STIL: variants seen among roughly 807,000 people sequenced by gnomAD.
STIL encodes SCL-interrupting locus protein.
Under a neutral mutation model 110.1 loss-of-function variants are expected in STIL, and 55 were observed. That is an observed-to-expected ratio of 0.50 (90% CI 0.40 to 0.63). STIL has a LOEUF of 0.63. Among genes scored for constraint, STIL ranks in the 20% least tolerant of loss-of-function variants. STIL has a pLI of 0.00. For synonymous variants in STIL, 481 were observed against 530.0 expected (o/e 0.91, Z 1.27); for missense variants, 1,358 against 1,530.0 (o/e 0.89, Z 1.87).
intron 15 of STIL, among the ~76,000 whole-genome samples, 163 bp downstream of exon 15, chr1:47,262,740 A>T (rs908141309): frequency 2.0e-5 from 3 of 152,208 alleles, no homozygotes; most frequent in Non-Finnish European, 4.4e-5. Flanking sequence ...AGTGAATTTA[A>T]GTTATAATTT....
Position 47,260,518 on chromosome 1 carries a change from TTAA to T in STIL, c.2848_2850del (p.Leu950del). On this transcript the variant is annotated inframe_deletion, in exon 16 of 17. Coordinates refer to ENST00000371877, the MANE Select transcript of STIL (RefSeq NM_001048166.1). ...TGCTCAGTTTCCTTGGAGGAACTAT[TTAA>T]TAGGTGGTTTACTTGACCCTGACAA... The T allele has an allele frequency of 6.2e-7, 1 of 1,614,206 alleles. No homozygotes were observed. Among genetic ancestry groups the T allele is most frequent in the Non-Finnish European group, 8.5e-7 (1 of 1,180,050 alleles).
chr1:47,252,995 A>G (rs1644230456), intron 16 of STIL, among the ~76,000 whole-genome samples: 1 of 151,824 alleles, frequency 6.6e-6, no homozygotes, highest in Middle Eastern at 3.4e-3. Context: ...ACTGCATGTC[A>G]TTTGCTAATG....
intron 6 of STIL, among the ~76,000 whole-genome samples, chr1:47,298,359 G>A (rs749848080): frequency 6.6e-6 from 1 of 152,174 alleles, no homozygotes; most frequent in African/African-American, 2.4e-5. Flanking sequence ...CAGGGAAGCA[G>A]CCTTGCTGAA....
chr1:47,257,631 G>C (rs559146738), intron 16 of STIL, among the ~76,000 whole-genome samples: 14 of 152,278 alleles, frequency 9.2e-5, no homozygotes, highest in Admixed American at 2.6e-4. Flanking sequence ...TTTTGATGTA[G>C]ATCAATTACA....
At chr1:47,296,853 G>A (rs1178033449) in intron 6 of STIL, among the ~76,000 whole-genome samples, 2 of 152,150 alleles carry the variant, frequency 1.3e-5, no homozygotes, top group South Asian at 2.1e-4. Flanking sequence ...GTGATATAAA[G>A]CCTTGGCAGT....
At chr1:47,288,481 G>C (rs960713137) in intron 9 of STIL, among the ~76,000 whole-genome samples, 2 of 151,898 alleles carry the variant, frequency 1.3e-5, no homozygotes, top group African/African-American at 4.8e-5. Context: ...ATTTTTAGTA[G>C]AGACAGAGTT....
intron 14 of STIL, among the ~76,000 whole-genome samples, chr1:47,267,594 A>G (rs556062772): frequency 1.5e-3 from 227 of 149,162 alleles, no homozygotes; most frequent in African/African-American, 5.4e-3. Context: ...AGTCCCAGCT[A>G]CTTGGGAGGC....
chr1:47,284,023 G>C (rs958972643), intron 10 of STIL: 4 of 152,076 alleles, frequency 2.6e-5, no homozygotes, highest in African/African-American at 7.2e-5. Context: ...CTCAGCGTCC[G>C]AGGAGCTCAG....
intron 9 of STIL, among the ~76,000 whole-genome samples, chr1:47,288,319 A>G (rs920166160): frequency 6.6e-6 from 1 of 150,624 alleles, no homozygotes; most frequent in Non-Finnish European, 1.5e-5. Flanking sequence ...TTTTTGAGAC[A>G]GAGTTTCCTT....
chr1:47,313,129 G>C (rs1646184278), intron 1 of STIL: 2 of 152,128 alleles, frequency 1.3e-5, no homozygotes, highest in Non-Finnish European at 1.5e-5. Flanking sequence ...TTCCAGACCA[G>C]CCCGACCAAC....
In STIL at chr1:47,252,014, T is replaced by C. The variant is rs1258909977; in HGVS notation, c.3081-92A>G. On this transcript the variant is annotated intron_variant, in intron 16 of 16. Coordinates refer to ENST00000371877, the MANE Select transcript of STIL (RefSeq NM_001048166.1). ...TCCATTCTATACAAGCAACAAAAGA[T>C]CTTCAGCTTTAAGTTCATGGTCCTT... is the stretch of plus-strand genomic sequence containing the variant. 9 of 1,332,116 alleles carry C rather than the reference T, an allele frequency of 6.8e-6. No individual in the cohort carries two copies. In the Admixed American group the frequency reaches 2.0e-4, roughly 29 times the overall value. 82.5% of individuals were successfully genotyped at this position (1,332,116 alleles called of 1,614,324 possible).
Position 47,280,786 on chromosome 1 carries a change from G to A in STIL, c.1672C>T (p.Leu558Phe), listed in dbSNP as rs1004441582. The change falls in exon 12 of 17, where the codon CTT (leucine) becomes TTT (phenylalanine). Residue 558 changes from leucine to phenylalanine, a missense_variant. Coordinates refer to ENST00000371877, the MANE Select transcript of STIL (RefSeq NM_001048166.1). The part of the protein sequence containing the change: ...NEEYPIRPST[L>F]NSRQSSLAPQ... ...GCAAGAGAAGACTGCCTAGAATTAA[G>A]TGTGGAGGGTCTTATAGGATACTCT... is the stretch of plus-strand genomic sequence containing the variant. The A allele has an allele frequency of 5.6e-6, 9 of 1,614,008 alleles. No homozygotes were observed. In the African/African-American group the frequency reaches 1.2e-4, roughly 22 times the overall value.
Position 47,280,332 on chromosome 1 carries a change from G to T in STIL, c.2126C>A (p.Thr709Asn), listed in dbSNP as rs1258627553. 1 of 1,614,116 alleles carries T rather than the reference G, an allele frequency of 6.2e-7. No individual in the cohort carries two copies. Among genetic ancestry groups the T allele is most frequent in the East Asian group, 2.2e-5 (1 of 44,900 alleles). Reference sequence around the variant, plus strand: ...TCCCATCATTCCATTATCTGACTCAGTCTTGGGTGTGTGCATGCACACTGT... The same window carrying T: ...TCCCATCATTCCATTATCTGACTCATTCTTGGGTGTGTGCATGCACACTGT... ...PCTVCMHTPK[T>N]ESDNGMMGLS... The change falls in exon 12 of 17, where the codon ACT (threonine) becomes AAT (asparagine). Residue 709 changes from threonine (T) to asparagine (N), a missense_variant. Transcript: ENST00000371877.
At chr1:47,291,486 G>A (rs928948988) in intron 8 of STIL, among the ~76,000 whole-genome samples, 7 of 151,776 alleles carry the variant, frequency 4.6e-5, no homozygotes, top group African/African-American at 1.5e-4. Context: ...CTCCTCTCAG[G>A]CTTTATTTTT....
upstream of STIL, among the ~76,000 whole-genome samples, chr1:47,314,371 TC>T (rs1288125196): frequency 6.6e-6 from 1 of 152,242 alleles, no homozygotes; most frequent in Non-Finnish European, 1.5e-5. Flanking sequence ...GGATCAAGGA[TC>T]CGAGGATTTA....
intron 8 of STIL, 87 bp downstream of exon 8, chr1:47,293,371 G>A (rs1645549954): frequency 1.7e-5 from 18 of 1,038,310 alleles, no homozygotes; most frequent in South Asian, 1.7e-4. Context: ...AAAAGGTTAC[G>A]GCATTACATG....
rs1289406840 is a variant in STIL at position 47,279,300 on chromosome 1, AT to A, written c.2217+940del. ...TCCGTCTCAAAAAAAAAAAAAAAAAATCATACGTATATATGCACATTACACA... is the reference window on the plus strand; with the variant it reads ...TCCGTCTCAAAAAAAAAAAAAAAAAACATACGTATATATGCACATTACACA... On this transcript the variant is annotated intron_variant, in intron 12 of 16. Coordinates refer to ENST00000371877, the MANE Select transcript of STIL (RefSeq NM_001048166.1). Among the ~76,000 whole-genome samples, 69 of 123,138 alleles carry A rather than the reference AT, an allele frequency of 5.6e-4. 1 individual carries two copies. Among genetic ancestry groups the A allele is most frequent in the African/African-American group, 3.0e-3 (58 of 19,432 alleles). The allele number at this position is 123,138 out of a possible 152,430, so 80.8% of individuals were successfully genotyped here. A position where few individuals can be genotyped will look rare whatever the true frequency, so the allele number is the denominator to read the frequency against.
At chr1:47,306,927 G>A (rs551628210) in intron 2 of STIL, among the ~76,000 whole-genome samples, 1 of 152,294 alleles carries the variant, frequency 6.6e-6, no homozygotes, top group South Asian at 2.1e-4. Flanking sequence ...CAAGGCAGGT[G>A]GATCACTTGA....
intron 6 of STIL, 89 bp downstream of exon 6, chr1:47,299,816 A>G: frequency 7.2e-7 from 1 of 1,380,950 alleles, no homozygotes; most frequent in Non-Finnish European, 1.0e-6. Flanking sequence ...CTGGCATATA[A>G]ATTGACTGGA....
Sources: allele counts gnomAD v4.1 joint callset (sites outside exome capture counted in the v4.1 genomes callset), GRCh38; gene constraint gnomAD v4.1.1; transcripts MANE v1.5; gene names NCBI Gene and HGNC (gene_info 2026-07-23, HGNC 2026-07-21).